Variants in CAND1 observed in about 807,000 individuals in gnomAD.
The protein encoded by CAND1 is cullin-associated NEDD8-dissociated protein 1.
In CAND1, 7 loss-of-function variants were observed where a neutral mutation model predicts 108.5. The ratio of observed to expected loss-of-function variants is 0.06; its 90% CI spans 0.04 to 0.12. The LOEUF is 0.12. Among genes scored for constraint, CAND1 ranks in the 10% least tolerant of loss-of-function variants. The pLI is 1.00. For missense variants in CAND1, 941 were observed against 1,448.7 expected, an observed-to-expected ratio of 0.65 and a Z score of 5.69; for synonymous variants, 534 against 512.0, an observed-to-expected ratio of 1.04 and a Z score of -0.58.
chr12:67,314,644 G>A lies in CAND1; in HGVS notation c.*1814G>A, dbSNP rs1329044512. The A allele has an allele frequency of 6.6e-6, 1 of 152,180 alleles. No individual in the cohort carries two copies. The highest frequency in any genetic ancestry group is 1.5e-5 in the Non-Finnish European group (1 of 68,030). 9.4% of individuals were successfully genotyped at this position (152,180 alleles called of 1,614,324 possible). ...AACAGGAGACTGACATGCATATGTT[G>A]TGTGAATGTCTTAGTTGGGTAAAGT... On this transcript the variant is annotated 3_prime_UTR_variant, in exon 15 of 15. Coordinates refer to ENST00000545606, the MANE Select transcript of CAND1 (RefSeq NM_018448.5).
At chr12:67,273,721 C>T (rs1171199191) in intron 1 of CAND1, among the ~76,000 whole-genome samples, 2 of 152,054 alleles carry the variant, frequency 1.3e-5, no homozygotes, top group Non-Finnish European at 2.9e-5. Flanking sequence ...CGGCAATCTG[C>T]CCACCTTGGC....
intron 1 of CAND1, among the ~76,000 whole-genome samples, chr12:67,278,635 T>C (rs1259136197): frequency 1.3e-5 from 2 of 152,006 alleles, no homozygotes; most frequent in Non-Finnish European, 2.9e-5. Context: ...TCTCCTGCCT[T>C]AGCCTCCCAA....
At chr12:67,296,272 T>A (rs1262350522) in intron 4 of CAND1, among the ~76,000 whole-genome samples, 1 of 151,896 alleles carries the variant, frequency 6.6e-6, no homozygotes, top group East Asian at 1.9e-4. Context: ...TTGAGATGAT[T>A]TGGAAGAGGG....
chr12:67,277,293 C>G (rs999131757), intron 1 of CAND1, among the ~76,000 whole-genome samples: 3 of 152,158 alleles, frequency 2.0e-5, no homozygotes, highest in African/African-American at 7.2e-5. Flanking sequence ...TTCTCTGAGT[C>G]CTGAGTCACA....
At position 67,269,684 on chromosome 12, in the gene CAND1, A is replaced by G; in HGVS notation, c.-34A>G. 2 of 1,578,386 alleles carry G rather than the reference A, an allele frequency of 1.3e-6. No homozygotes were observed. Among genetic ancestry groups the G allele is most frequent in the Non-Finnish European group, 1.7e-6 (2 of 1,160,916 alleles). ...GGCAGCGGCAGCGGGCAGCAGCTCCAGCAGCGCCAGCAGGCGGGATCGAGG... is the reference window on the plus strand; with the variant it reads ...GGCAGCGGCAGCGGGCAGCAGCTCCGGCAGCGCCAGCAGGCGGGATCGAGG... On this transcript the variant is annotated 5_prime_UTR_variant, in exon 1 of 15. Coordinates refer to ENST00000545606, the MANE Select transcript of CAND1 (RefSeq NM_018448.5).
Position 67,309,979 on chromosome 12 carries a change from A to G in CAND1, c.3104A>G (p.His1035Arg). The change falls in exon 12 of 15, where the codon CAT (histidine) becomes CGT (arginine). Residue 1035 changes from histidine to arginine, a missense_variant. Coordinates refer to ENST00000545606, the MANE Select transcript of CAND1 (RefSeq NM_018448.5). The part of the protein sequence containing the change: ...VALVTFNSAA[H>R]NKPSLIRDLL... ...TTGGTCACATTTAATTCAGCAGCAC[A>G]TAACAAGCCATCATTAATAAGGGAT... The G allele has an allele frequency of 6.2e-7, 1 of 1,612,576 alleles. No homozygotes were observed. The highest frequency in any genetic ancestry group is 1.7e-5 in the Admixed American group (1 of 60,002).
intron 8 of CAND1, 87 bp downstream of exon 8, chr12:67,302,702 A>C: frequency 8.5e-7 from 1 of 1,174,236 alleles, no homozygotes; most frequent in Non-Finnish European, 1.2e-6. Context: ...GAGTTCCAGA[A>C]TATCTATAGA....
Position 67,316,393 on chromosome 12 carries a change from C to T in CAND1, c.*3563C>T, listed in dbSNP as rs1356422661. 2 of 152,126 alleles carry T rather than the reference C, an allele frequency of 1.3e-5. No individual in the cohort carries two copies. Among genetic ancestry groups the T allele is most frequent in the Admixed American group, 1.3e-4 (2 of 15,274 alleles). The allele number at this position is 152,126 out of a possible 1,614,324, so 9.4% of individuals were successfully genotyped here. ...AAATGAAATCATATGTTTTCCTTTT[C>T]CAATACAGTAAATTGCTTGTTTTCC... is the stretch of plus-strand genomic sequence containing the variant. On this transcript the variant is annotated 3_prime_UTR_variant, in exon 15 of 15. Coordinates refer to ENST00000545606, the MANE Select transcript of CAND1 (RefSeq NM_018448.5).
Position 67,316,272 on chromosome 12 carries a change from G to C in CAND1, c.*3442G>C, listed in dbSNP as rs2045006770. 2.0e-5 allele frequency: 3 copies of C among 152,136 alleles called. No homozygotes were observed. Among genetic ancestry groups the C allele is most frequent in the African/African-American group, 7.2e-5 (3 of 41,418 alleles). The allele number at this position is 152,136 out of a possible 1,614,324, so 9.4% of individuals were successfully genotyped here. On this transcript the variant is annotated 3_prime_UTR_variant, in exon 15 of 15. Coordinates refer to ENST00000545606, the MANE Select transcript of CAND1 (RefSeq NM_018448.5). ...TTTTCCATTTAAATAAAATTCATTTGATAATTTTGGTTGCAAAAGTGGAAC... is the reference window on the plus strand; with the variant it reads ...TTTTCCATTTAAATAAAATTCATTTCATAATTTTGGTTGCAAAAGTGGAAC...
In CAND1 at chr12:67,314,161, T is replaced by TA. The variant is rs1452289904; in HGVS notation, c.*1332dup. ...CTCCTAATGCTGTGCAAACATAGTT[T>TA]ACATGTATTGAAGGAGGCAGTTGTT... On this transcript the variant is annotated 3_prime_UTR_variant, in exon 15 of 15. Transcript: ENST00000545606. 2 of 152,220 alleles carry TA rather than the reference T, an allele frequency of 1.3e-5. No homozygotes were observed. Among genetic ancestry groups the TA allele is most frequent in the Non-Finnish European group, 2.9e-5 (2 of 68,022 alleles). The allele number at this position is 152,220 out of a possible 1,614,324, so 9.4% of individuals were successfully genotyped here.
At position 67,313,403 on chromosome 12, in the gene CAND1, C is replaced by T. The variant is rs540522827; in HGVS notation, c.*573C>T. On this transcript the variant is annotated 3_prime_UTR_variant, in exon 15 of 15. Transcript: ENST00000545606. ...TTTAAGTATGAAAATTAACAATATC[C>T]CTGTTGCGCACACTAATTTTGCATG... 1.3e-5 allele frequency: 2 copies of T among 152,502 alleles called. No individual in the cohort carries two copies. The highest frequency in any genetic ancestry group is 4.2e-4 in the South Asian group (2 of 4,806). The allele number at this position is 152,502 out of a possible 1,614,324, so 9.4% of individuals were successfully genotyped here. A position where few individuals can be genotyped will look rare whatever the true frequency, so the allele number is the denominator to read the frequency against.
chr12:67,304,435 T>A, intron 8 of CAND1, among the ~76,000 whole-genome samples, 170 bp from the exon 9 acceptor site: 1 of 152,336 alleles, frequency 6.6e-6, no homozygotes, highest in Admixed American at 6.5e-5. Flanking sequence ...ACATATATAA[T>A]ACATGCAACA....
intron 3 of CAND1, among the ~76,000 whole-genome samples, chr12:67,294,030 C>T (rs1331514360): frequency 6.6e-6 from 1 of 152,128 alleles, no homozygotes; most frequent in African/African-American, 2.4e-5. Context: ...ATGCTTTCTT[C>T]AATGTATCAT....
At chr12:67,270,833 C>G (rs1592598963) in intron 1 of CAND1, 1 of 149,572 alleles carries the variant, frequency 6.7e-6, no homozygotes, top group Admixed American at 6.7e-5. Context: ...TTCTCTAATG[C>G]TTAGTGGTTG....
At chr12:67,307,260 A>C (rs1186988563) in intron 10 of CAND1, 137 bp from the exon 11 acceptor site, 2 of 632,890 alleles carry the variant, frequency 3.2e-6, no homozygotes. Context: ...TCATGTGTGC[A>C]ATAAGAAATA....
intron 7 of CAND1, among the ~76,000 whole-genome samples, chr12:67,302,102 A>T (rs1440251682): frequency 1.3e-5 from 2 of 152,210 alleles, no homozygotes; most frequent in East Asian, 1.9e-4. Flanking sequence ...CTAATTAAAA[A>T]TACCATTATG....
rs539273468 is a variant in CAND1, at chr12:67,294,575, A to G, written c.368-458A>G. Among the ~76,000 whole-genome samples, 12 of 152,332 alleles carry G rather than the reference A, an allele frequency of 7.9e-5. 1 individual carries two copies. In the South Asian group the frequency reaches 1.2e-3, roughly 16 times the overall value. Reference sequence around the variant, plus strand: ...GGCTCCATAGCTAGCATTCATACCAATGCATACAGATTATCCAGTAGATAG... The same window carrying G: ...GGCTCCATAGCTAGCATTCATACCAGTGCATACAGATTATCCAGTAGATAG... On this transcript the variant is annotated intron_variant, in intron 3 of 14. Transcript: ENST00000545606.
intron 8 of CAND1, among the ~76,000 whole-genome samples, chr12:67,304,252 T>G (rs1463757888): frequency 6.6e-6 from 1 of 152,176 alleles, no homozygotes; most frequent in Non-Finnish European, 1.5e-5. Flanking sequence ...CCTCCCAAAG[T>G]GCTGGGATTA....
intron 1 of CAND1, 199 bp downstream of exon 1, chr12:67,269,984 C>G (rs1020399456): frequency 3.7e-6 from 2 of 546,362 alleles, no homozygotes; most frequent in Admixed American, 7.7e-5. Flanking sequence ...TCCCCCCATT[C>G]TTTCTCCTAG....
Sources: gnomAD v4.1 joint callset for allele counts (sites outside exome capture counted in the v4.1 genomes callset) on GRCh38, gnomAD v4.1.1 for gene constraint, MANE v1.5 for transcripts, NCBI Gene and HGNC (gene_info 2026-07-23, HGNC 2026-07-21) for gene names.